LEO1: variants seen among roughly 807,000 people sequenced by gnomAD.
LEO1 encodes the protein LEO1 component of Paf1/RNA polymerase II complex.
Under a neutral mutation model 80.4 loss-of-function variants are expected in LEO1, and 34 were observed. The observed-to-expected ratio is 0.42, with a 90% CI of 0.32 to 0.56. The LOEUF (loss-of-function observed/expected upper bound fraction) is 0.56, where lower values mean the gene tolerates loss of function less well. Ranked by LOEUF, LEO1 falls within the 20% of genes least tolerant of loss-of-function variation. LEO1 has a pLI of 0.10. For missense variants in LEO1, 631 were observed against 814.2 expected, an observed-to-expected ratio of 0.77 and a Z score of 2.74; for synonymous variants, 262 against 274.9, an observed-to-expected ratio of 0.95 and a Z score of 0.46.
chr15:51,957,450 A>G (rs1331796314), intron 6 of LEO1, among the ~76,000 whole-genome samples: 2 of 152,080 alleles, frequency 1.3e-5, no homozygotes, highest in Non-Finnish European at 2.9e-5. Context: ...TGGGTGGTGG[A>G]GGGAGGACAG....
intron 8 of LEO1, 80 bp downstream of exon 8, chr15:51,953,049 C>G: frequency 8.6e-7 from 1 of 1,157,824 alleles, no homozygotes; most frequent in South Asian, 1.4e-5. Flanking sequence ...TTACATCAAT[C>G]AGGTGGCAGG....
At chr15:51,951,714 C>T in intron 9 of LEO1, 130 bp downstream of exon 9, 1 of 740,172 alleles carries the variant, frequency 1.4e-6, no homozygotes, top group Non-Finnish European at 2.2e-6. Context: ...GAAATGAATC[C>T]AGCTCCCTAT....
intron 7 of LEO1, 58 bp from the exon 8 acceptor site, chr15:51,953,321 C>T (rs2141759053): frequency 1.3e-6 from 2 of 1,583,534 alleles, no homozygotes; most frequent in Non-Finnish European, 1.7e-6. Context: ...TACCATCTTA[C>T]TTCACTTAAA....
intron 2 of LEO1, 87 bp from the exon 3 acceptor site, chr15:51,962,580 T>C (rs2057039913): frequency 2.5e-6 from 2 of 805,646 alleles, no homozygotes; most frequent in Admixed American, 4.4e-5. Flanking sequence ...ATAAACAAAT[T>C]GTGATACAAT....
intron 11 of LEO1, among the ~76,000 whole-genome samples, chr15:51,944,943 A>G (rs2056886481): frequency 6.6e-6 from 1 of 151,958 alleles, no homozygotes; most frequent in African/African-American, 2.4e-5. Context: ...CAAAGCCTCT[A>G]CTCTCTCAGC....
chr15:51,942,314 G>T (rs1366125240), intron 11 of LEO1, among the ~76,000 whole-genome samples: 3 of 152,078 alleles, frequency 2.0e-5, no homozygotes, highest in African/African-American at 4.8e-5. Flanking sequence ...GGTAGAGGAT[G>T]GTTCCTGTAA....
At chr15:51,952,884 T>C (rs918863108) in intron 8 of LEO1, among the ~76,000 whole-genome samples, 1 of 152,252 alleles carries the variant, frequency 6.6e-6, no homozygotes, top group African/African-American at 2.4e-5. Flanking sequence ...ATTAAATACA[T>C]TGACATTCTG....
chr15:51,950,079 T>C (rs2056936694), intron 9 of LEO1, 85 bp from the exon 10 acceptor site: 1 of 1,121,416 alleles, frequency 8.9e-7, no homozygotes, highest in Non-Finnish European at 1.3e-6. Flanking sequence ...AAATAGCATG[T>C]AATGTCTGGT....
At position 51,946,033 on chromosome 15, in the gene LEO1, T is replaced by TA. The variant is rs914377515; in HGVS notation, c.1896+1258dup. ...TGGGCAACAGAGCGAGACTCTGTCT[T>TA]AAAAAAAAAGAAAAAGAAAAATTCT... is the stretch of plus-strand genomic sequence containing the variant. On this transcript the variant is annotated intron_variant, in intron 11 of 11. Transcript: ENST00000299601. Among the ~76,000 whole-genome samples, 13 of 150,052 alleles carry TA rather than the reference T, an allele frequency of 8.7e-5. No individual in the cohort carries two copies. The South Asian group carries it at 1.3e-3, about 15-fold the overall frequency.
intron 3 of LEO1, among the ~76,000 whole-genome samples, chr15:51,961,628 A>C (rs1017440998): frequency 1.3e-5 from 2 of 151,608 alleles, no homozygotes; most frequent in African/African-American, 4.8e-5. Context: ...TCCTGGCCTC[A>C]AGTGATCCAC....
chr15:51,939,831 A>G (rs530859884), intron 11 of LEO1, among the ~76,000 whole-genome samples: 1 of 152,348 alleles, frequency 6.6e-6, no homozygotes, highest in East Asian at 1.9e-4. Flanking sequence ...AAAAGATGGT[A>G]CAGCCTGTCC....
chr15:51,938,385 G>T, intron 11 of LEO1, 125 bp from the exon 12 acceptor site: 1 of 614,576 alleles, frequency 1.6e-6, no homozygotes, highest in Non-Finnish European at 2.9e-6. Context: ...TGCAGGTTGT[G>T]AGGGAGATTG....
intron 9 of LEO1, among the ~76,000 whole-genome samples, chr15:51,951,214 G>A (rs976450430): frequency 2.6e-5 from 4 of 152,234 alleles, no homozygotes; most frequent in Admixed American, 2.6e-4. Flanking sequence ...GTAGGGATTA[G>A]AGAAGATGGA....
chr15:51,940,931 C>G (rs1027879243), intron 11 of LEO1, among the ~76,000 whole-genome samples: 1 of 151,976 alleles, frequency 6.6e-6, no homozygotes, highest in African/African-American at 2.4e-5. Context: ...AACCCTGTCT[C>G]TACTAAAAAT....
intron 4 of LEO1, 128 bp from the exon 5 acceptor site, chr15:51,960,172 C>G (rs2057019143): frequency 1.4e-6 from 1 of 692,458 alleles, no homozygotes; most frequent in Admixed American, 3.5e-5. Context: ...AAAGAAGTCC[C>G]CAGTCCCCAT....
chr15:51,954,741 G>A (rs1250918955), intron 6 of LEO1, 166 bp from the exon 7 acceptor site: 2 of 573,290 alleles, frequency 3.5e-6, no homozygotes, highest in African/African-American at 3.8e-5. Flanking sequence ...ACCTAGAGAG[G>A]TTGGATAAAT....
At chr15:51,950,021 A>C (rs2056935972) in intron 9 of LEO1, 27 bp from the exon 10 acceptor site, 1 of 1,579,388 alleles carries the variant, frequency 6.3e-7, no homozygotes, top group East Asian at 2.3e-5. Flanking sequence ...AACCTCTTTA[A>C]CCTAAAAAGG....
In LEO1 at chr15:51,970,467, A is replaced by G. The variant is rs571000658; in HGVS notation, c.58+1221T>C. 2.0e-5 allele frequency among the ~76,000 whole-genome samples: 3 copies of G among 152,374 alleles called. No homozygotes were observed. The South Asian group carries it at 6.2e-4, about 32-fold the overall frequency. On this transcript the variant is annotated intron_variant, in intron 1 of 11. Coordinates refer to ENST00000299601, the MANE Select transcript of LEO1 (RefSeq NM_138792.4). ...AACAACCCAATGTCCATCAACAGAT[A>G]AATGGATTAACAAATTTAGGGTGTG...
intron 1 of LEO1, among the ~76,000 whole-genome samples, chr15:51,971,413 C>T (rs1411019236): frequency 1.2e-4 from 18 of 152,218 alleles, no homozygotes; most frequent in Admixed American, 1.2e-3. Context: ...TGCGCAGGCT[C>T]GCCTGCACTT....
Sources: allele counts gnomAD v4.1 joint callset (sites outside exome capture counted in the v4.1 genomes callset), GRCh38; gene constraint gnomAD v4.1.1; transcripts MANE v1.5; gene names NCBI Gene and HGNC (gene_info 2026-07-23, HGNC 2026-07-21).